HSD17B2: variants seen among roughly 807,000 people sequenced by gnomAD.
HSD17B2 encodes the protein 17-beta-hydroxysteroid dehydrogenase type 2.
HSD17B2 carries 32 observed loss-of-function variants against 26.9 expected under a neutral mutation model. That is an observed-to-expected ratio of 1.19 (90% CI 0.90 to 1.60). The LOEUF is 1.60. Ranked by LOEUF, HSD17B2 falls within the 40% of genes most tolerant of loss-of-function variation. The probability of loss-of-function intolerance (pLI) is 0.00; values close to 1 mark genes in which losing one functional copy is unlikely to be tolerated. For synonymous variants in HSD17B2, 246 were observed against 186.7 expected, an observed-to-expected ratio of 1.32 and a Z score of -2.59; for missense variants, 613 against 468.6, an observed-to-expected ratio of 1.31 and a Z score of -2.85.
chr16:82,075,251 A>T (rs1341890776), intron 3 of HSD17B2, among the ~76,000 whole-genome samples: 1 of 152,184 alleles, frequency 6.6e-6, no homozygotes, highest in African/African-American at 2.4e-5. Context: ...AAAAAAGTAG[A>T]AACACTTCAA....
chr16:82,046,246 A>G (rs185105990), intron 1 of HSD17B2, among the ~76,000 whole-genome samples: 2 of 152,280 alleles, frequency 1.3e-5, no homozygotes, highest in Admixed American at 6.5e-5. Flanking sequence ...ACATAACACA[A>G]CAAACCAATG....
chr16:82,042,458 A>G (rs941743191), intron 1 of HSD17B2, among the ~76,000 whole-genome samples: 12 of 152,308 alleles, frequency 7.9e-5, no homozygotes, highest in African/African-American at 2.9e-4. Context: ...CACATACCTC[A>G]TGACTAGAGA....
chr16:82,075,908 T>TAAAAAA (rs58081050), intron 3 of HSD17B2, among the ~76,000 whole-genome samples: 22 of 134,624 alleles, frequency 1.6e-4, no homozygotes, highest in East Asian at 4.2e-4. Context: ...AAATACATGT[T>TAAAAAA]AAAAAAAAAA....
At chr16:82,045,905 G>A (rs904276819) in intron 1 of HSD17B2, among the ~76,000 whole-genome samples, 4 of 152,206 alleles carry the variant, frequency 2.6e-5, no homozygotes, top group Non-Finnish European at 5.9e-5. Context: ...AATTTACCCT[G>A]AGCTGTCTTT....
intron 2 of HSD17B2, among the ~76,000 whole-genome samples, chr16:82,069,397 T>C (rs935710841): frequency 3.3e-5 from 5 of 152,212 alleles, no homozygotes; most frequent in African/African-American, 2.4e-5. Context: ...ATCTTTGTAA[T>C]AGAATGGTTT....
At chr16:82,045,563 G>A (rs1228477163) in intron 1 of HSD17B2, among the ~76,000 whole-genome samples, 1 of 152,182 alleles carries the variant, frequency 6.6e-6, no homozygotes, top group East Asian at 1.9e-4. Context: ...CTTGGCAAAG[G>A]AGACAAAAGG....
At chr16:82,097,006 T>C (rs1178813106) in intron 4 of HSD17B2, 1 of 139,778 alleles carries the variant, frequency 7.2e-6, no homozygotes, top group African/African-American at 2.9e-5. Context: ...TTCTGTTTTG[T>C]TTTTTTTTTT....
chr16:82,045,432 G>C (rs888490012), intron 1 of HSD17B2, among the ~76,000 whole-genome samples: 2 of 152,184 alleles, frequency 1.3e-5, no homozygotes, highest in African/African-American at 4.8e-5. Flanking sequence ...AATCATGATT[G>C]ATATCTCTTC....
Position 82,098,100 on chromosome 16 carries a change from G to C in HSD17B2, c.828G>C (p.Trp276Cys). ...ATATCGCAGGCACCAGTGACAAGTG[G>C]GAAAAGCTGGAGAAGGACATTCTGG... is the stretch of plus-strand genomic sequence containing the variant. ...LTNIAGTSDK[W>C]EKLEKDILDH... Residue 276 changes from tryptophan to cysteine, a missense_variant, in exon 5 of 5, where the codon TGG becomes TGC. Trp to Cys is a radical substitution (Grantham distance 215). Coordinates refer to ENST00000199936, the MANE Select transcript of HSD17B2 (RefSeq NM_002153.3). The C allele has an allele frequency of 6.2e-7, 1 of 1,613,302 alleles. No homozygotes were observed. Among genetic ancestry groups the C allele is most frequent in the Non-Finnish European group, 8.5e-7 (1 of 1,179,488 alleles).
At chr16:82,036,185 T>G (rs1913619170) in intron 1 of HSD17B2, among the ~76,000 whole-genome samples, 1 of 152,148 alleles carries the variant, frequency 6.6e-6, no homozygotes, top group Admixed American at 6.6e-5. Flanking sequence ...TGCAGTTTGC[T>G]TGGCTGCTGT....
intron 1 of HSD17B2, among the ~76,000 whole-genome samples, chr16:82,045,288 C>T (rs1187142213): frequency 2.0e-5 from 3 of 151,968 alleles, no homozygotes; most frequent in Admixed American, 6.6e-5. Flanking sequence ...CCCCAGTGAG[C>T]CCCCCATCCA....
intron 1 of HSD17B2, among the ~76,000 whole-genome samples, chr16:82,051,367 A>G (rs1372558623): frequency 1.3e-5 from 2 of 152,242 alleles, no homozygotes; most frequent in Non-Finnish European, 2.9e-5. Flanking sequence ...ATTATCTAGC[A>G]GTGCAAAAAG....
At chr16:82,058,543 T>C (rs1198928856) in intron 1 of HSD17B2, among the ~76,000 whole-genome samples, 1 of 152,182 alleles carries the variant, frequency 6.6e-6, no homozygotes, top group Non-Finnish European at 1.5e-5. Context: ...TATATAAACA[T>C]AAGGCTCTCA....
At chr16:82,079,699 G>A (rs1203281402) in intron 3 of HSD17B2, among the ~76,000 whole-genome samples, 1 of 152,098 alleles carries the variant, frequency 6.6e-6, no homozygotes, top group Non-Finnish European at 1.5e-5. Context: ...TTACTGGAGA[G>A]TTTTGTGAAA....
chr16:82,057,893 T>C (rs2143954316), intron 1 of HSD17B2, among the ~76,000 whole-genome samples: 1 of 152,190 alleles, frequency 6.6e-6, no homozygotes, highest in East Asian at 1.9e-4. Context: ...GCAGACAGGA[T>C]CACTAAATGT....
At chr16:82,084,324 G>C (rs575250958) in intron 3 of HSD17B2, among the ~76,000 whole-genome samples, 8 of 152,200 alleles carry the variant, frequency 5.3e-5, no homozygotes, top group Non-Finnish European at 1.5e-5. Flanking sequence ...CTAGATAATA[G>C]TAGCACCCAC....
chr16:82,090,071 T>C lies in HSD17B2; in HGVS notation c.665-831T>C, dbSNP rs143561722. The C allele has an allele frequency of 7.5e-5, 15 of 199,642 alleles. No individual in the cohort carries two copies. The East Asian group carries it at 2.8e-3, about 37-fold the overall frequency. The allele number at this position is 199,642 out of a possible 1,614,324, so 12.4% of individuals were successfully genotyped here. ...TGCTCTAGCCCTAGAATAAGTCCTT[T>C]CTCACATCCTCTTAAAGAGATGCCC... On this transcript the variant is annotated intron_variant, in intron 3 of 4. Coordinates refer to ENST00000199936, the MANE Select transcript of HSD17B2 (RefSeq NM_002153.3).
At chr16:82,089,355 T>A (rs2142365433) in intron 3 of HSD17B2, among the ~76,000 whole-genome samples, 1 of 152,310 alleles carries the variant, frequency 6.6e-6, no homozygotes, top group Middle Eastern at 3.4e-3. Context: ...ACAGTTTGCT[T>A]ATCCATTCAC....
At position 82,090,302 on chromosome 16, in the gene HSD17B2, G is replaced by GTTTTTTTTTTTTT. The variant is rs35272646; in HGVS notation, c.665-578_665-566dup. On this transcript the variant is annotated intron_variant, in intron 3 of 4. Coordinates refer to ENST00000199936, the MANE Select transcript of HSD17B2 (RefSeq NM_002153.3). ...CTCTTCATCTTACCTAAACTACATT[G>GTTTTTTTTTTTTT]TTTTTTTTTTTTTTTTTTTTTTTTT... The GTTTTTTTTTTTTT allele has an allele frequency of 6.0e-4, 24 of 40,086 alleles. 7 individuals are homozygous for GTTTTTTTTTTTTT. The highest frequency in any genetic ancestry group is 2.2e-3 in the African/African-American group (19 of 8,592). The allele number at this position is 40,086 out of a possible 1,614,324, so 2.5% of individuals were successfully genotyped here. A position where few individuals can be genotyped will look rare whatever the true frequency, so the allele number is the denominator to read the frequency against.
Sources: gnomAD v4.1 joint callset for allele counts (sites outside exome capture counted in the v4.1 genomes callset) on GRCh38, gnomAD v4.1.1 for gene constraint, MANE v1.5 for transcripts, NCBI Gene and HGNC (gene_info 2026-07-23, HGNC 2026-07-21) for gene names.